Variants in ATP10D observed in about 807,000 individuals in gnomAD.
ATP10D encodes the protein phospholipid-transporting ATPase VD.
In ATP10D, 89 loss-of-function variants were observed where a neutral mutation model predicts 144.8. The observed-to-expected ratio is 0.61, with a 90% CI of 0.52 to 0.73. The LOEUF is 0.73. ATP10D is among the 30% of genes least tolerant of loss of function. The pLI is 0.00. For synonymous variants in ATP10D, 571 were observed against 615.1 expected, an observed-to-expected ratio of 0.93 and a Z score of 1.06; for missense variants, 1,603 against 1,714.8, an observed-to-expected ratio of 0.93 and a Z score of 1.15.
Position 47,515,491 on chromosome 4 carries a change from T to A in ATP10D, c.306T>A (p.Tyr102Ter), listed in dbSNP as rs1161214162. ...FEQFHRAANL[Y>*]FLFLVVLNWV... ...TGGGTTGCAGAGCTGCCAATTTATA[T>A]TTCCTGTTCCTAGTTGTCCTGAACT... The change falls in exon 3 of 23, where the codon TAT (tyrosine) becomes TAA (stop). Residue 102 changes from tyrosine (Y) to a stop codon, truncating the protein, a stop_gained. Transcript: ENST00000273859. LOFTEE classifies it high-confidence loss of function. 6.2e-7 allele frequency: 1 copy of A among 1,611,334 alleles called. No individual in the cohort carries two copies. Among genetic ancestry groups the A allele is most frequent in the Admixed American group, 1.7e-5 (1 of 59,368 alleles).
rs1387713450 is a variant in ATP10D at position 47,558,075 on chromosome 4, T to C, written c.2236T>C (p.Ser746Pro). Residue 746 changes from serine (S) to proline (P), a missense_variant, in exon 12 of 23, where the codon TCT becomes CCT. Coordinates refer to ENST00000273859, the MANE Select transcript of ATP10D (RefSeq NM_020453.4). ...CAGGGCTTACCAATGCACTTTACGG[T>C]CTCGGACACCAGAGCAGGTCATGGT... ...AARAYQCTLR[S>P]RTPEQVMVDF... is the part of the protein sequence containing the mutation. The C allele has an allele frequency of 6.2e-7, 1 of 1,614,170 alleles. No homozygotes were observed. Among genetic ancestry groups the C allele is most frequent in the Admixed American group, 1.7e-5 (1 of 60,020 alleles).
intron 1 of ATP10D, among the ~76,000 whole-genome samples, chr4:47,492,247 A>G (rs1480924840): frequency 1.3e-5 from 2 of 152,210 alleles, no homozygotes; most frequent in Admixed American, 1.3e-4. Flanking sequence ...GATGCTCAGA[A>G]AGGCTAAAAG....
At chr4:47,493,567 T>C (rs1047891817) in intron 1 of ATP10D, among the ~76,000 whole-genome samples, 1 of 151,986 alleles carries the variant, frequency 6.6e-6, no homozygotes, top group African/African-American at 2.4e-5. Context: ...GTGTATGACA[T>C]GCACTTTTGA....
intron 19 of ATP10D, among the ~76,000 whole-genome samples, chr4:47,579,074 T>C (rs1421040310): frequency 6.6e-6 from 1 of 152,144 alleles, no homozygotes; most frequent in Non-Finnish European, 1.5e-5. Flanking sequence ...ATGGCAGATA[T>C]CACTAATAAG....
At chr4:47,529,423 A>G (rs1717440959) in intron 5 of ATP10D, among the ~76,000 whole-genome samples, 1 of 152,098 alleles carries the variant, frequency 6.6e-6, no homozygotes, top group Non-Finnish European at 1.5e-5. Context: ...TATTTTTGTC[A>G]ACTTTGTCAA....
At chr4:47,490,069 C>T (rs1714993481) in intron 1 of ATP10D, among the ~76,000 whole-genome samples, 1 of 152,050 alleles carries the variant, frequency 6.6e-6, no homozygotes, top group Admixed American at 6.5e-5. Context: ...TCAATTTTGA[C>T]CTGTCTCAAA....
At chr4:47,509,867 G>A (rs1716218221) in intron 1 of ATP10D, among the ~76,000 whole-genome samples, 2 of 151,988 alleles carry the variant, frequency 1.3e-5, no homozygotes, top group Non-Finnish European at 2.9e-5. Flanking sequence ...TAATATGAGA[G>A]AGAGAAGAAA....
At chr4:47,518,411 C>T (rs1447391788) in intron 3 of ATP10D, among the ~76,000 whole-genome samples, 2 of 152,096 alleles carry the variant, frequency 1.3e-5, no homozygotes, top group Non-Finnish European at 2.9e-5. Flanking sequence ...ATAGGGGCCA[C>T]TTATAAGGTT....
chr4:47,568,735 T>C (rs749126519), intron 15 of ATP10D, 102 bp from the exon 16 acceptor site: 13 of 997,926 alleles, frequency 1.3e-5, no homozygotes, highest in Non-Finnish European at 2.0e-5. Context: ...TTATTTGAGG[T>C]TTTCTTGATT....
intron 9 of ATP10D, among the ~76,000 whole-genome samples, chr4:47,546,110 T>C (rs1718408853): frequency 1.3e-5 from 2 of 152,252 alleles, no homozygotes; most frequent in Admixed American, 6.5e-5. Context: ...TGGATATTAC[T>C]AAGGGTTCAC....
intron 1 of ATP10D, among the ~76,000 whole-genome samples, chr4:47,501,544 T>A (rs1715680848): frequency 6.6e-6 from 1 of 152,196 alleles, no homozygotes; most frequent in Non-Finnish European, 1.5e-5. Context: ...CCTTGATGGG[T>A]TGCCAGAGCT....
chr4:47,545,039 T>C (rs1718343156), intron 9 of ATP10D, among the ~76,000 whole-genome samples: 1 of 152,168 alleles, frequency 6.6e-6, no homozygotes, highest in Admixed American at 6.5e-5. Flanking sequence ...TAATATAAAA[T>C]GATTGGATGG....
chr4:47,588,072 T>C (rs1720870520), intron 22 of ATP10D, among the ~76,000 whole-genome samples: 1 of 152,174 alleles, frequency 6.6e-6, no homozygotes, highest in Admixed American at 6.5e-5. Flanking sequence ...AAAGGGAGGC[T>C]GGGTGTTGAG....
chr4:47,565,116 G>A (rs1719549362), intron 15 of ATP10D, among the ~76,000 whole-genome samples: 1 of 152,104 alleles, frequency 6.6e-6, no homozygotes, highest in African/African-American at 2.4e-5. Flanking sequence ...CCGACACCAC[G>A]CCCGGCTAAT....
chr4:47,550,183 C>G (rs1024787104), intron 10 of ATP10D, among the ~76,000 whole-genome samples: 3 of 152,096 alleles, frequency 2.0e-5, no homozygotes, highest in African/African-American at 7.2e-5. Flanking sequence ...TATGTCCCAT[C>G]TAGAGTGTCT....
In ATP10D at chr4:47,591,291, C is replaced by T. The variant is rs770055783; in HGVS notation, c.4191C>T (p.Asn1397=). 6.8e-6 allele frequency: 11 copies of T among 1,613,386 alleles called. No individual in the cohort carries two copies. Among genetic ancestry groups the T allele is most frequent in the African/African-American group, 1.3e-5 (1 of 74,862 alleles). The change falls in exon 23 of 23, where the codon AAC becomes AAT. Residue 1397 remains asparagine, a synonymous_variant. Transcript: ENST00000273859. The part of the protein sequence containing the change: ...SASSCAIEQG[N]LSLCETALDQ... ...GTTCCTGTGCTATTGAGCAAGGAAACTTATCTCTGTGTGAAACTGCTTTAG... is the reference window on the plus strand; with the variant it reads ...GTTCCTGTGCTATTGAGCAAGGAAATTTATCTCTGTGTGAAACTGCTTTAG...
At chr4:47,491,084 G>A in intron 1 of ATP10D, 1 of 728,396 alleles carries the variant, frequency 1.4e-6, no homozygotes, top group Non-Finnish European at 2.6e-6. Flanking sequence ...TGGTGCTTCA[G>A]TTGAACCCAG....
At chr4:47,540,685 T>C (rs1018426497) in intron 9 of ATP10D, among the ~76,000 whole-genome samples, 1 of 152,220 alleles carries the variant, frequency 6.6e-6, no homozygotes, top group Non-Finnish European at 1.5e-5. Context: ...AGATAAGTAA[T>C]GAACAAATGC....
At chr4:47,492,508 T>C (rs563112767) in intron 1 of ATP10D, among the ~76,000 whole-genome samples, 50 of 152,312 alleles carry the variant, frequency 3.3e-4, no homozygotes, top group Admixed American at 3.2e-3. Context: ...ATCTGCCTCT[T>C]ATTTGTGTTT....
Sources: gnomAD v4.1 joint callset for allele counts (sites outside exome capture counted in the v4.1 genomes callset) on GRCh38, gnomAD v4.1.1 for gene constraint, MANE v1.5 for transcripts, NCBI Gene and HGNC (gene_info 2026-07-23, HGNC 2026-07-21) for gene names.